Variants in SPICE1 observed in about 807,000 individuals in gnomAD.
The protein encoded by SPICE1 is spindle and centriole associated protein 1, also known as spindle and centriole-associated protein 1.
In SPICE1, 75 loss-of-function variants were observed where a neutral mutation model predicts 102.7. The ratio of observed to expected loss-of-function variants is 0.73; its 90% CI spans 0.61 to 0.88. SPICE1 has a LOEUF of 0.88. SPICE1 is among the 40% of genes least tolerant of loss of function. The pLI is 0.00. For missense variants in SPICE1, 979 were observed against 1,020.1 expected, an observed-to-expected ratio of 0.96 and a Z score of 0.55; for synonymous variants, 308 against 350.3, an observed-to-expected ratio of 0.88 and a Z score of 1.35.
At position 113,446,574 on chromosome 3, in the gene SPICE1, C is replaced by A; in HGVS notation, c.2514+15G>T. On this transcript the variant is annotated intron_variant, in intron 17 of 17. Coordinates refer to ENST00000295872, the MANE Select transcript of SPICE1 (RefSeq NM_144718.4). ...CACCCCTATATGCATTTCACAATTA[C>A]ATTTTAACGTGTACCTTTGCTCTTG... is the stretch of plus-strand genomic sequence containing the variant. The A allele has an allele frequency of 6.2e-7, 1 of 1,603,890 alleles. No homozygotes were observed. Among genetic ancestry groups the A allele is most frequent in the Non-Finnish European group, 8.5e-7 (1 of 1,171,762 alleles).
chr3:113,465,048 A>G (rs1340303154), intron 11 of SPICE1, among the ~76,000 whole-genome samples: 3 of 151,696 alleles, frequency 2.0e-5, no homozygotes, highest in Non-Finnish European at 4.4e-5. Flanking sequence ...CCAGGCTGCA[A>G]TGAACTCATG....
At chr3:113,453,264 C>T (rs78812516) in intron 14 of SPICE1, among the ~76,000 whole-genome samples, 8,158 of 152,178 alleles carry the variant, frequency 0.054, 264 homozygotes, top group East Asian at 0.1. Context: ...TATATAATTT[C>T]CCTTTTATGC....
At chr3:113,486,213 A>G (rs1936644310) in intron 7 of SPICE1, among the ~76,000 whole-genome samples, 1 of 81,408 alleles carries the variant, frequency 1.2e-5, no homozygotes, top group Non-Finnish European at 2.5e-5. Flanking sequence ...CCATTCTCAT[A>G]TATATATATA....
At chr3:113,491,224 G>A (rs1394782864) in intron 6 of SPICE1, among the ~76,000 whole-genome samples, 2 of 152,182 alleles carry the variant, frequency 1.3e-5, no homozygotes, top group African/African-American at 4.8e-5. Flanking sequence ...TGATGAATAA[G>A]TGAGTAGGTT....
chr3:113,471,931 G>A (rs997138761), intron 7 of SPICE1, among the ~76,000 whole-genome samples: 7 of 152,300 alleles, frequency 4.6e-5, no homozygotes, highest in Middle Eastern at 3.4e-3. Context: ...AGTGCCAGAC[G>A]GTGAGCGCAG....
rs749249911 is a variant in SPICE1 at position 113,465,709 on chromosome 3, T to C, written c.1231A>G (p.Ile411Val). ...EQVLGDHREL[I>V]DALTAEILRL... ...AGAATTTCAGCTGTCAGAGCATCAA[T>C]GAGCTCTCGATGATCACCTAATACT... The change falls in exon 11 of 18, where the codon ATT becomes GTT. Residue 411 changes from isoleucine (I) to valine (V), a missense_variant. Coordinates refer to ENST00000295872, the MANE Select transcript of SPICE1 (RefSeq NM_144718.4). The C allele has an allele frequency of 5.6e-6, 9 of 1,613,404 alleles. No homozygotes were observed. Among genetic ancestry groups the C allele is most frequent in the African/African-American group, 4.0e-5 (3 of 74,922 alleles).
At chr3:113,448,903 G>A (rs935990621) in intron 15 of SPICE1, 1 of 151,716 alleles carries the variant, frequency 6.6e-6, no homozygotes, top group Non-Finnish European at 1.5e-5. Context: ...ACAAATATAA[G>A]AATTTTACTT....
At chr3:113,461,858 C>T (rs1432242481) in intron 11 of SPICE1, among the ~76,000 whole-genome samples, 1 of 152,148 alleles carries the variant, frequency 6.6e-6, no homozygotes, top group Admixed American at 6.6e-5. Context: ...GTATAGTAAA[C>T]ATTTTTATAC....
At chr3:113,469,018 A>T in intron 8 of SPICE1, 81 bp downstream of exon 8, 1 of 1,565,038 alleles carries the variant, frequency 6.4e-7, no homozygotes, top group Non-Finnish European at 8.7e-7. Flanking sequence ...AAACTCAAAT[A>T]ACATTCCTTC....
intron 2 of SPICE1, among the ~76,000 whole-genome samples, chr3:113,503,479 T>C (rs1296706635): frequency 6.6e-6 from 1 of 152,204 alleles, no homozygotes. Flanking sequence ...AGTCATACAC[T>C]ATAGTAAAAC....
Position 113,450,147 on chromosome 3 carries a change from C to T in SPICE1, c.2323+189G>A. On this transcript the variant is annotated intron_variant, in intron 15 of 17. Coordinates refer to ENST00000295872, the MANE Select transcript of SPICE1 (RefSeq NM_144718.4). Reference sequence around the variant, plus strand: ...ATAGGCATCATAGGATAGAAATAATCAGGAGATCTGCCTTCTAATCCCATT... The same window carrying T: ...ATAGGCATCATAGGATAGAAATAATTAGGAGATCTGCCTTCTAATCCCATT... 6 of 608,344 alleles carry T rather than the reference C, an allele frequency of 9.9e-6. No individual in the cohort carries two copies. The South Asian group carries it at 1.2e-4, about 12-fold the overall frequency. 37.7% of individuals were successfully genotyped at this position (608,344 alleles called of 1,614,324 possible).
chr3:113,505,889 G>A (rs1937098865), intron 2 of SPICE1, among the ~76,000 whole-genome samples: 1 of 152,004 alleles, frequency 6.6e-6, no homozygotes. Context: ...CTGGGTGACA[G>A]GACATGACCC....
At chr3:113,464,256 G>GTT (rs1186073353) in intron 11 of SPICE1, among the ~76,000 whole-genome samples, 28 of 127,904 alleles carry the variant, frequency 2.2e-4, no homozygotes, top group Admixed American at 3.9e-4. Flanking sequence ...GTTTTTTGTT[G>GTT]TTTTTTTTTT....
At position 113,468,757 on chromosome 3, in the gene SPICE1, T is replaced by C. The variant is rs1434940010; in HGVS notation, c.889+5A>G. 2 of 1,611,098 alleles carry C rather than the reference T, an allele frequency of 1.2e-6. No homozygotes were observed. The highest frequency in any genetic ancestry group is 1.3e-5 in the African/African-American group (1 of 74,894). The stretch of plus-strand genomic sequence containing the variant: ...TATTCATCTTTGTAAATTAAGGGAC[T>C]GAACCTTTATTTAACAGCTGTTTTT... On this transcript the variant is annotated splice_donor_5th_base_variant and intron_variant, in intron 9 of 17. Coordinates refer to ENST00000295872, the MANE Select transcript of SPICE1 (RefSeq NM_144718.4).
At chr3:113,489,367 C>T (rs1936716829) in intron 6 of SPICE1, among the ~76,000 whole-genome samples, 2 of 152,160 alleles carry the variant, frequency 1.3e-5, no homozygotes, top group African/African-American at 4.8e-5. Flanking sequence ...TACCACCAAA[C>T]TTCTTGAAAG....
At chr3:113,480,280 CA>C (rs1253635996) in intron 7 of SPICE1, among the ~76,000 whole-genome samples, 3 of 150,618 alleles carry the variant, frequency 2.0e-5, no homozygotes, top group Non-Finnish European at 4.4e-5. Context: ...CTATCAGCCT[CA>C]AAAAACAGAT....
At chr3:113,472,307 C>G (rs1362690098) in intron 7 of SPICE1, among the ~76,000 whole-genome samples, 4 of 152,270 alleles carry the variant, frequency 2.6e-5, no homozygotes, top group Admixed American at 2.0e-4. Context: ...GAGCCCACCA[C>G]AGCTCAAGGA....
chr3:113,480,199 C>A (rs1384202239), intron 7 of SPICE1, among the ~76,000 whole-genome samples: 2 of 150,668 alleles, frequency 1.3e-5, no homozygotes, highest in Admixed American at 6.6e-5. Context: ...AATAAACAAG[C>A]AAAGTTACTA....
At chr3:113,451,807 C>G (rs1935658642) in intron 14 of SPICE1, among the ~76,000 whole-genome samples, 2 of 152,228 alleles carry the variant, frequency 1.3e-5, no homozygotes, top group South Asian at 4.1e-4. Flanking sequence ...CCAGTTCCTT[C>G]TGTCTACTTC....
Sources: allele counts gnomAD v4.1 joint callset (sites outside exome capture counted in the v4.1 genomes callset), GRCh38; gene constraint gnomAD v4.1.1; transcripts MANE v1.5; gene names NCBI Gene and HGNC (gene_info 2026-07-23, HGNC 2026-07-21).